ULK4: variants seen among roughly 807,000 people sequenced by gnomAD.
ULK4 encodes the protein unc-51 like kinase 4.
In ULK4, 133 loss-of-function variants were observed where a neutral mutation model predicts 160.6. The observed-to-expected ratio is 0.83, with a 90% CI of 0.72 to 0.96. The LOEUF (loss-of-function observed/expected upper bound fraction) is 0.96, where lower values mean the gene tolerates loss of function less well. Ranked by LOEUF, ULK4 falls within the 40% of genes least tolerant of loss-of-function variation. The pLI, the probability that ULK4 is intolerant of heterozygous loss-of-function variation, is 0.00. For synonymous variants in ULK4, 534 were observed against 539.8 expected, an observed-to-expected ratio of 0.99 and a Z score of 0.15; for missense variants, 1,580 against 1,499.5, an observed-to-expected ratio of 1.05 and a Z score of -0.89.
rs1053162925 is a variant in ULK4 at position 41,895,653 on chromosome 3, C to T, written c.1531-89G>A. ...GAAAATGACAGCAAAGTTAACAGCT[C>T]AGGACTTTATACAAAGGAAATTTAC... On this transcript the variant is annotated intron_variant, in intron 15 of 36. Coordinates refer to ENST00000301831, the MANE Select transcript of ULK4 (RefSeq NM_017886.4). 2.0e-5 allele frequency: 15 copies of T among 748,154 alleles called. No individual in the cohort carries two copies. The African/African-American group carries it at 2.2e-4, about 11-fold the overall frequency. The allele number at this position is 748,154 out of a possible 1,614,324, so 46.3% of individuals were successfully genotyped here.
At chr3:41,529,681 C>G (rs187940969) in intron 32 of ULK4, among the ~76,000 whole-genome samples, 1 of 152,244 alleles carries the variant, frequency 6.6e-6, no homozygotes, top group Non-Finnish European at 1.5e-5. Context: ...TTAGTAGAGG[C>G]AGGGTTTCGC....
At chr3:41,853,000 G>A (rs1209620508) in intron 17 of ULK4, among the ~76,000 whole-genome samples, 1 of 152,162 alleles carries the variant, frequency 6.6e-6, no homozygotes, top group East Asian at 1.9e-4. Flanking sequence ...TCACCTGGGA[G>A]ACCAGAGATT....
chr3:41,254,607 C>A (rs140676814), intron 35 of ULK4, among the ~76,000 whole-genome samples: 2 of 152,062 alleles, frequency 1.3e-5, no homozygotes, highest in Non-Finnish European at 1.5e-5. Context: ...AAGGGCCGGG[C>A]GCGGTGGCTC....
At chr3:41,494,581 A>G (rs1389457609) in intron 32 of ULK4, among the ~76,000 whole-genome samples, 6 of 152,066 alleles carry the variant, frequency 3.9e-5, no homozygotes, top group East Asian at 3.9e-4. Context: ...TCTGGCCAGG[A>G]CAATTAGGCA....
chr3:41,642,199 T>C (rs2034239438), intron 30 of ULK4, among the ~76,000 whole-genome samples: 1 of 152,132 alleles, frequency 6.6e-6, no homozygotes, highest in Non-Finnish European at 1.5e-5. Flanking sequence ...TTACTCTTTT[T>C]TTTTAATACT....
At chr3:41,464,248 CAA>C (rs1446667519) in intron 32 of ULK4, among the ~76,000 whole-genome samples, 1 of 152,034 alleles carries the variant, frequency 6.6e-6, no homozygotes, top group African/African-American at 2.4e-5. Flanking sequence ...GTCTTCCTGA[CAA>C]ATGCGAAATT....
intron 14 of ULK4, among the ~76,000 whole-genome samples, chr3:41,897,995 C>T (rs1698225229): frequency 6.6e-6 from 1 of 152,112 alleles, no homozygotes; most frequent in African/African-American, 2.4e-5. Flanking sequence ...ATCTCCACTC[C>T]CACACCACCT....
chr3:41,531,704 A>G (rs1559373071), intron 32 of ULK4, among the ~76,000 whole-genome samples: 1 of 152,280 alleles, frequency 6.6e-6, no homozygotes, highest in Middle Eastern at 3.4e-3. Flanking sequence ...AAAACAACAA[A>G]TATTGTTTAA....
At chr3:41,624,877 GA>G (rs2033425105) in intron 30 of ULK4, among the ~76,000 whole-genome samples, 1 of 152,000 alleles carries the variant, frequency 6.6e-6, no homozygotes, top group Non-Finnish European at 1.5e-5. Context: ...GTCTATTATG[GA>G]TAATGCTGCA....
chr3:41,691,398 GTACTT>G (rs979624680), intron 27 of ULK4, among the ~76,000 whole-genome samples: 3 of 151,798 alleles, frequency 2.0e-5, no homozygotes, highest in African/African-American at 7.2e-5. Context: ...TCTTCCAACT[GTACTT>G]TACTTCCTTT....
chr3:41,780,855 T>C (rs1278406022), intron 21 of ULK4, among the ~76,000 whole-genome samples: 6 of 152,192 alleles, frequency 3.9e-5, no homozygotes, highest in Admixed American at 1.3e-4. Context: ...ATACAAATAA[T>C]AGGTTGGTCT....
At chr3:41,621,253 A>G (rs2033233208) in intron 30 of ULK4, among the ~76,000 whole-genome samples, 1 of 152,282 alleles carries the variant, frequency 6.6e-6, no homozygotes, top group East Asian at 1.9e-4. Context: ...TCATGGAATT[A>G]GAAAAAACCA....
At chr3:41,868,197 CAAT>C (rs1696966355) in intron 17 of ULK4, among the ~76,000 whole-genome samples, 1 of 152,240 alleles carries the variant, frequency 6.6e-6, no homozygotes, top group African/African-American at 2.4e-5. Context: ...AAATATCCAA[CAAT>C]AATGAATTTG....
At chr3:41,527,838 G>T (rs1187532407) in intron 32 of ULK4, among the ~76,000 whole-genome samples, 2 of 152,066 alleles carry the variant, frequency 1.3e-5, no homozygotes, top group Non-Finnish European at 2.9e-5. Flanking sequence ...AGCTTTTAAA[G>T]AACACATTTT....
intron 32 of ULK4, among the ~76,000 whole-genome samples, chr3:41,467,338 C>T (rs924525319): frequency 6.6e-6 from 1 of 152,128 alleles, no homozygotes; most frequent in African/African-American, 2.4e-5. Flanking sequence ...ACCAGCCTGA[C>T]CAACATGGTG....
chr3:41,916,109 T>C (rs1698959123), intron 7 of ULK4, 57 bp from the exon 8 acceptor site: 1 of 1,100,582 alleles, frequency 9.1e-7, no homozygotes, highest in Non-Finnish European at 1.3e-6. Context: ...ATATCAATTT[T>C]ATTTTTATCT....
At chr3:41,538,714 G>T (rs1795319) in intron 32 of ULK4, among the ~76,000 whole-genome samples, 7 of 152,002 alleles carry the variant, frequency 4.6e-5, no homozygotes, top group Non-Finnish European at 7.4e-5. Context: ...AAATGGAGCA[G>T]GAGGTAGCTA....
At chr3:41,616,807 G>A (rs1025274530) in intron 30 of ULK4, among the ~76,000 whole-genome samples, 2 of 152,148 alleles carry the variant, frequency 1.3e-5, no homozygotes, top group African/African-American at 4.8e-5. Flanking sequence ...CCAGGGAAGG[G>A]GGCTGAAGCC....
intron 34 of ULK4, among the ~76,000 whole-genome samples, chr3:41,404,302 A>T (rs1475744293): frequency 6.8e-6 from 1 of 147,516 alleles, no homozygotes; most frequent in African/African-American, 2.5e-5. Context: ...TAGTTATGTC[A>T]TTTCAGTGGA....
Sources: gnomAD v4.1 joint callset for allele counts (sites outside exome capture counted in the v4.1 genomes callset) on GRCh38, gnomAD v4.1.1 for gene constraint, MANE v1.5 for transcripts, NCBI Gene and HGNC (gene_info 2026-07-23, HGNC 2026-07-21) for gene names.